Variants in FGGY observed in about 807,000 individuals in gnomAD.
The protein encoded by FGGY is FGGY carbohydrate kinase domain-containing protein.
FGGY carries 72 observed loss-of-function variants against 71.3 expected under a neutral mutation model. The ratio of observed to expected loss-of-function variants is 1.01; its 90% CI spans 0.84 to 1.23. The LOEUF (loss-of-function observed/expected upper bound fraction) is 1.23, where lower values mean the gene tolerates loss of function less well. FGGY is among the 50% of genes most tolerant of loss of function. The pLI, the probability that FGGY is intolerant of heterozygous loss-of-function variation, is 0.00. For missense variants in FGGY, 668 were observed against 682.3 expected (o/e 0.98, Z 0.23); for synonymous variants, 251 against 250.3 (o/e 1.00, Z -0.02).
intron 4 of FGGY, among the ~76,000 whole-genome samples, chr1:59,374,241 C>A (rs150899769): frequency 0.028 from 4,248 of 151,982 alleles, 216 homozygotes; most frequent in African/African-American, 0.097. Flanking sequence ...AAAGTGGGTG[C>A]AGGACATGAA....
chr1:59,460,837 A>C (rs1178937048), intron 6 of FGGY, among the ~76,000 whole-genome samples: 1 of 152,240 alleles, frequency 6.6e-6, no homozygotes, highest in Non-Finnish European at 1.5e-5. Flanking sequence ...CCTGCAGCTG[A>C]GGAACCTGGC....
intron 6 of FGGY, among the ~76,000 whole-genome samples, chr1:59,503,937 C>A (rs1232607558): frequency 6.6e-6 from 1 of 151,950 alleles, no homozygotes; most frequent in Non-Finnish European, 1.5e-5. Context: ...GATCAGAAGA[C>A]CCTCATTCCA....
At chr1:59,689,385 T>C (rs1208440479) in intron 14 of FGGY, among the ~76,000 whole-genome samples, 2 of 151,562 alleles carry the variant, frequency 1.3e-5, no homozygotes, top group East Asian at 3.9e-4. Flanking sequence ...AGTTCAGGAG[T>C]AGTGAAAAAG....
At chr1:59,300,940 G>A (rs1222130768) in intron 1 of FGGY, among the ~76,000 whole-genome samples, 1 of 151,972 alleles carries the variant, frequency 6.6e-6, no homozygotes, top group Non-Finnish European at 1.5e-5. Flanking sequence ...TTTAAAATTT[G>A]TTTTGATTAT....
At chr1:59,428,668 T>G (rs984396195) in intron 5 of FGGY, among the ~76,000 whole-genome samples, 1 of 152,336 alleles carries the variant, frequency 6.6e-6, no homozygotes, top group East Asian at 1.9e-4. Flanking sequence ...TTTAAGTTAA[T>G]AATCCAGATA....
At chr1:59,627,489 T>TATATATATATATATATATATAC (rs1469493501) in intron 10 of FGGY, among the ~76,000 whole-genome samples, 2 of 92,778 alleles carry the variant, frequency 2.2e-5, no homozygotes, top group African/African-American at 1.0e-4. Context: ...TATATATATA[T>TATATATATATATATATATATAC]ACACACACAC....
At chr1:59,368,011 A>G (rs1224735362) in intron 4 of FGGY, among the ~76,000 whole-genome samples, 1 of 152,208 alleles carries the variant, frequency 6.6e-6, no homozygotes, top group East Asian at 1.9e-4. Context: ...CAAGTCATAT[A>G]ACCCAAATCA....
intron 8 of FGGY, among the ~76,000 whole-genome samples, chr1:59,588,481 A>G (rs901996509): frequency 6.6e-6 from 1 of 152,132 alleles, no homozygotes; most frequent in African/African-American, 2.4e-5. Flanking sequence ...CAACTCCAAG[A>G]CACATAATTG....
chr1:59,437,310 C>T (rs2068680854), intron 5 of FGGY, among the ~76,000 whole-genome samples: 1 of 152,178 alleles, frequency 6.6e-6, no homozygotes, highest in Admixed American at 6.5e-5. Flanking sequence ...AGTGTGAGTG[C>T]AGAGATAAAC....
At chr1:59,732,521 A>G (rs1017433400) in intron 14 of FGGY, among the ~76,000 whole-genome samples, 2 of 152,210 alleles carry the variant, frequency 1.3e-5, no homozygotes, top group African/African-American at 4.8e-5. Context: ...AGGGCACCTC[A>G]GAGATGAAGA....
chr1:59,750,985 C>T (rs2098240557), intron 14 of FGGY, among the ~76,000 whole-genome samples: 1 of 151,938 alleles, frequency 6.6e-6, no homozygotes, highest in African/African-American at 2.4e-5. Flanking sequence ...CAGGTAATCA[C>T]ACCTGCTAAT....
intron 8 of FGGY, among the ~76,000 whole-genome samples, chr1:59,598,045 A>G (rs1327851599): frequency 6.6e-6 from 1 of 152,170 alleles, no homozygotes; most frequent in Non-Finnish European, 1.5e-5. Context: ...TCTCCCCTGC[A>G]CCCACTCTGC....
At chr1:59,644,051 T>C (rs147027039) in intron 11 of FGGY, among the ~76,000 whole-genome samples, 5 of 152,348 alleles carry the variant, frequency 3.3e-5, no homozygotes, top group African/African-American at 9.6e-5. Context: ...GCTCTTCTGT[T>C]CTTCTGACCA....
intron 14 of FGGY, among the ~76,000 whole-genome samples, chr1:59,679,349 T>C (rs1371590098): frequency 1.3e-5 from 2 of 152,194 alleles, no homozygotes; most frequent in African/African-American, 4.8e-5. Flanking sequence ...TCTGTCACGA[T>C]AAATAACAGT....
At chr1:59,399,716 T>G (rs1298588410) in intron 5 of FGGY, among the ~76,000 whole-genome samples, 2 of 152,242 alleles carry the variant, frequency 1.3e-5, no homozygotes, top group African/African-American at 2.4e-5. Context: ...TTTGTGTTCC[T>G]TATGCCATGC....
At chr1:59,702,601 T>C (rs2154020238) in intron 14 of FGGY, among the ~76,000 whole-genome samples, 1 of 152,290 alleles carries the variant, frequency 6.6e-6, no homozygotes, top group South Asian at 2.1e-4. Flanking sequence ...GCTGTTAATG[T>C]GGTCTAGATG....
intron 7 of FGGY, among the ~76,000 whole-genome samples, chr1:59,515,654 G>C (rs897512157): frequency 6.6e-6 from 1 of 152,166 alleles, no homozygotes; most frequent in South Asian, 2.1e-4. Flanking sequence ...TGCTGTTCTC[G>C]TGATAGTAAG....
Position 59,626,025 on chromosome 1 carries a change from A to G in FGGY, c.1049A>G (p.Glu350Gly). Residue 350 changes from glutamate (E) to glycine (G), a missense_variant, in exon 10 of 16, where the codon GAA (glutamate) becomes GGA (glycine). Transcript: ENST00000303721. ...HMVQGHAAFP[E>G]LQVKATARCQ... ...GTACAAGGCCATGCTGCTTTTCCAG[A>G]ACTACAAGTAAAGGCCACAGCCAGG... 1 of 1,613,614 alleles carries G rather than the reference A, an allele frequency of 6.2e-7. No homozygotes were observed. Among genetic ancestry groups the G allele is most frequent in the Non-Finnish European group, 8.5e-7 (1 of 1,179,706 alleles).
chr1:59,669,855 C>G (rs1360674095), intron 13 of FGGY, among the ~76,000 whole-genome samples: 1 of 152,210 alleles, frequency 6.6e-6, no homozygotes, highest in Non-Finnish European at 1.5e-5. Flanking sequence ...CTCCGCGCTG[C>G]AGCCCTGGAC....
Sources: gnomAD v4.1 joint callset for allele counts (sites outside exome capture counted in the v4.1 genomes callset) on GRCh38, gnomAD v4.1.1 for gene constraint, MANE v1.5 for transcripts, NCBI Gene and HGNC (gene_info 2026-07-23, HGNC 2026-07-21) for gene names.